The following EPRS1 variants were observed in gnomAD, a reference collection of about 807,000 sequenced individuals.
The protein encoded by EPRS1 is bifunctional glutamate/proline--tRNA ligase.
EPRS1 carries 107 observed loss-of-function variants against 188.3 expected under a neutral mutation model. That is an observed-to-expected ratio of 0.57 (90% confidence interval 0.49 to 0.67). The LOEUF (loss-of-function observed/expected upper bound fraction) is 0.67, where lower values mean the gene tolerates loss of function less well. EPRS1 is among the 30% of genes least tolerant of loss of function. EPRS1 has a pLI of 0.00. For missense variants in EPRS1, 1,577 were observed against 1,802.2 expected, an observed-to-expected ratio of 0.88 and a Z score of 2.26; for synonymous variants, 596 against 593.1, an observed-to-expected ratio of 1.00 and a Z score of -0.07.
chr1:220,042,255 G>A (rs1571702480), intron 1 of EPRS1, among the ~76,000 whole-genome samples: 1 of 151,614 alleles, frequency 6.6e-6, no homozygotes, highest in Middle Eastern at 3.4e-3. Context: ...GACTGAGGCA[G>A]GCGGATTGCC....
chr1:220,045,805 T>C (rs1453536834), intron 1 of EPRS1, among the ~76,000 whole-genome samples: 1 of 152,166 alleles, frequency 6.6e-6, no homozygotes, highest in Non-Finnish European at 1.5e-5. Context: ...GTTGAAATCC[T>C]AAATGCTAAT....
At chr1:220,030,922 T>C (rs900224314) in intron 5 of EPRS1, among the ~76,000 whole-genome samples, 3 of 152,014 alleles carry the variant, frequency 2.0e-5, no homozygotes, top group Admixed American at 6.6e-5. Context: ...TGAAACCCCA[T>C]CTCTACTAAA....
Position 219,984,227 on chromosome 1 carries a change from A to G in EPRS1, c.3069T>C (p.Asn1023=). ...TCACCTGAGAATACCAATCAGCAAG[A>G]TTTTCTTCTTTTTTTGCCTCAAGAC... is the stretch of plus-strand genomic sequence containing the variant. ...RLGLEAKKEE[N]LADWYSQVIT... The change falls in exon 21 of 32, where the codon AAT becomes AAC. Residue 1023 remains asparagine (N), a synonymous_variant. Transcript: ENST00000366923. 1.2e-6 allele frequency: 2 copies of G among 1,613,664 alleles called. No individual in the cohort carries two copies. The highest frequency in any genetic ancestry group is 1.7e-6 in the Non-Finnish European group (2 of 1,179,686).
chr1:220,015,795 A>AT (rs1491500338), intron 12 of EPRS1, among the ~76,000 whole-genome samples: 65 of 22,768 alleles, frequency 2.9e-3, no homozygotes, highest in African/African-American at 3.4e-3. Context: ...AAGGTAATAT[A>AT]AAAAAAAAAA....
chr1:220,020,325 TAA>T lies in EPRS1; in HGVS notation c.1116-106_1116-105del. ...ATTTAAAATGTAATTCTTTACAAGT[TAA>T]GAGATTCTTAAAAACCAAAAGGTTT... On this transcript the variant is annotated intron_variant, in intron 9 of 31. Transcript: ENST00000366923. 5 of 733,366 alleles carry T rather than the reference TAA, an allele frequency of 6.8e-6. No homozygotes were observed. The South Asian group carries it at 1.0e-4, about 15-fold the overall frequency. 45.4% of individuals were successfully genotyped at this position (733,366 alleles called of 1,614,324 possible).
intron 18 of EPRS1, among the ~76,000 whole-genome samples, chr1:219,992,639 T>C (rs1423091321): frequency 6.6e-6 from 1 of 152,200 alleles, no homozygotes; most frequent in East Asian, 1.9e-4. Flanking sequence ...TAAAACTTCA[T>C]TTACAGGCCG....
chr1:220,008,107 CAAAAAAAAAAAA>C (rs55642831), intron 13 of EPRS1, among the ~76,000 whole-genome samples: 4 of 133,380 alleles, frequency 3.0e-5, no homozygotes, highest in African/African-American at 8.6e-5. Flanking sequence ...ACTCCGTCAC[CAAAAAAAAAAAA>C]AAAAAAAAAA....
chr1:220,032,362 T>TAAA (rs34457701), intron 5 of EPRS1, 25 bp downstream of exon 5: 11 of 1,503,686 alleles, frequency 7.3e-6, no homozygotes, highest in Middle Eastern at 1.8e-4. Context: ...TTTTTTTTTT[T>TAAA]AAAAAAAAAG....
At chr1:220,018,384 CT>C in intron 12 of EPRS1, 64 bp downstream of exon 12, 1 of 1,262,734 alleles carries the variant, frequency 7.9e-7, no homozygotes, top group Middle Eastern at 2.5e-4. Context: ...ACAGTAATGA[CT>C]TCTACTTGTA....
intron 9 of EPRS1, 26 bp from the exon 10 acceptor site, chr1:220,020,247 C>T (rs1487023495): frequency 4.9e-6 from 7 of 1,434,872 alleles, no homozygotes; most frequent in Non-Finnish European, 6.8e-6. Flanking sequence ...ATAAAATAAA[C>T]AAAACATTTT....
chr1:219,987,039 A>T, intron 20 of EPRS1, 103 bp downstream of exon 20: 1 of 1,244,188 alleles, frequency 8.0e-7, no homozygotes, highest in Non-Finnish European at 1.1e-6. Flanking sequence ...AGCGTTCTCT[A>T]ACTTAATGTG....
intron 6 of EPRS1, 42 bp downstream of exon 6, chr1:220,030,344 A>G: frequency 1.5e-6 from 2 of 1,312,262 alleles, no homozygotes; most frequent in East Asian, 4.6e-5. Context: ...AAGCTTTCCC[A>G]CTAAATATAT....
chr1:219,973,116 TG>T, intron 29 of EPRS1, 121 bp downstream of exon 29: 4 of 753,214 alleles, frequency 5.3e-6, no homozygotes, highest in African/African-American at 1.8e-5. Flanking sequence ...TTAAGTAGCA[TG>T]GGGGTTCAGA....
At chr1:219,982,900 A>C in intron 22 of EPRS1, 56 bp from the exon 23 acceptor site, 1 of 1,470,628 alleles carries the variant, frequency 6.8e-7, no homozygotes, top group South Asian at 1.1e-5. Context: ...TTGGAGCAAC[A>C]GTACAAATGC....
At chr1:220,002,334 A>G (rs911750265) in intron 16 of EPRS1, among the ~76,000 whole-genome samples, 1 of 94,462 alleles carries the variant, frequency 1.1e-5, no homozygotes, top group African/African-American at 2.9e-5. Context: ...CTCTGCCTCA[A>G]TGGAAAAAAA....
At chr1:220,039,520 A>AT (rs11414713) in intron 2 of EPRS1, among the ~76,000 whole-genome samples, 24,609 of 138,558 alleles carry the variant, frequency 0.18, 3,594 homozygotes, top group East Asian at 0.4. Flanking sequence ...TTTAATGCTG[A>AT]TTTTTTTTTT....
chr1:220,005,825 T>G (rs1661452384), intron 15 of EPRS1, among the ~76,000 whole-genome samples: 1 of 38,992 alleles, frequency 2.6e-5, no homozygotes, highest in Non-Finnish European at 4.3e-5. Flanking sequence ...TCGTTTTTTT[T>G]TTTGTTTTTT....
chr1:220,014,342 A>C (rs1160984924), intron 12 of EPRS1, among the ~76,000 whole-genome samples: 11 of 151,976 alleles, frequency 7.2e-5, no homozygotes, highest in Admixed American at 6.6e-4. Context: ...AAAAACAAAA[A>C]AGATAACAGC....
chr1:219,972,512 T>C (rs1660688735), intron 29 of EPRS1, among the ~76,000 whole-genome samples: 1 of 152,186 alleles, frequency 6.6e-6, no homozygotes, highest in Non-Finnish European at 1.5e-5. Context: ...GAGGAATATA[T>C]ATATATCTTT....
Sources: allele counts gnomAD v4.1 joint callset (sites outside exome capture counted in the v4.1 genomes callset), GRCh38; gene constraint gnomAD v4.1.1; transcripts MANE v1.5; gene names NCBI Gene and HGNC (gene_info 2026-07-23, HGNC 2026-07-21).